The following POU2F1 variants were observed in gnomAD, a reference collection of about 807,000 sequenced individuals.
POU2F1 encodes POU class 2 homeobox 1, also known as POU domain, class 2, transcription factor 1.
In POU2F1, 16 loss-of-function variants were observed where a neutral mutation model predicts 84.9. That is an observed-to-expected ratio of 0.19 (90% CI 0.13 to 0.29). The LOEUF is 0.29. Among genes scored for constraint, POU2F1 ranks in the 10% least tolerant of loss-of-function variants. The pLI, the probability that POU2F1 is intolerant of heterozygous loss-of-function variation, is 1.00. For synonymous variants in POU2F1, 368 were observed against 368.3 expected (o/e 1.00, Z 0.01); for missense variants, 738 against 942.6 (o/e 0.78, Z 2.84).
intron 1 of POU2F1, among the ~76,000 whole-genome samples, chr1:167,283,335 A>G (rs187204654): frequency 2.6e-5 from 4 of 152,228 alleles, no homozygotes; most frequent in African/African-American, 9.6e-5. Context: ...AAGAGTATGG[A>G]CAGAGAACAT....
intron 1 of POU2F1, among the ~76,000 whole-genome samples, chr1:167,318,242 C>T (rs1445188593): frequency 6.6e-6 from 1 of 152,196 alleles, no homozygotes; most frequent in African/African-American, 2.4e-5. Flanking sequence ...TTAGCTCCTA[C>T]AGTGGGCCAT....
At chr1:167,314,633 G>T (rs1179248542) in intron 1 of POU2F1, among the ~76,000 whole-genome samples, 1 of 152,068 alleles carries the variant, frequency 6.6e-6, no homozygotes, top group Non-Finnish European at 1.5e-5. Context: ...AATAAGCCGG[G>T]CATTGTGGTG....
intron 1 of POU2F1, among the ~76,000 whole-genome samples, chr1:167,241,167 T>C (rs772956083): frequency 6.6e-6 from 1 of 151,954 alleles, no homozygotes; most frequent in African/African-American, 2.4e-5. Context: ...AATAAATAAA[T>C]AGTCTGAAAA....
At chr1:167,348,316 A>T (rs113570559) in intron 2 of POU2F1, among the ~76,000 whole-genome samples, 5 of 152,310 alleles carry the variant, frequency 3.3e-5, no homozygotes, top group African/African-American at 1.2e-4. Context: ...GCTGATGGAA[A>T]TGTCTTTATA....
At chr1:167,391,593 A>G (rs1239141472) in intron 9 of POU2F1, among the ~76,000 whole-genome samples, 1 of 104,824 alleles carries the variant, frequency 9.5e-6, no homozygotes, top group Non-Finnish European at 1.8e-5. Context: ...TTTTTGAGAC[A>G]GGGCCTTGGT....
rs570151919 is a variant in POU2F1 at position 167,254,287 on chromosome 1, G to GT, written c.61+33331dup. Among the ~76,000 whole-genome samples, 914 of 152,222 alleles carry GT rather than the reference G, an allele frequency of 6.0e-3. 4 individuals carry two copies. Among genetic ancestry groups the GT allele is most frequent in the Non-Finnish European group, 0.01 (704 of 68,022 alleles). ...GGAGTCTCAATTCTATTTAATGTAG[G>GT]TTCGATCAATGTTACTAATGTGCTT... On this transcript the variant is annotated intron_variant, in intron 1 of 15. Coordinates refer to ENST00000367866, the MANE Select transcript of POU2F1 (RefSeq NM_002697.4).
At chr1:167,277,762 A>G (rs1417343566) in intron 1 of POU2F1, among the ~76,000 whole-genome samples, 1 of 152,182 alleles carries the variant, frequency 6.6e-6, no homozygotes, top group East Asian at 1.9e-4. Flanking sequence ...CCCACATGTC[A>G]GTGAATAGCA....
chr1:167,253,402 G>C (rs1650887429), intron 1 of POU2F1, among the ~76,000 whole-genome samples: 1 of 137,096 alleles, frequency 7.3e-6, no homozygotes, highest in African/African-American at 3.0e-5. Context: ...ACACACAGGA[G>C]AGTGGAACTT....
At chr1:167,257,096 G>A (rs1352931946) in intron 1 of POU2F1, among the ~76,000 whole-genome samples, 4 of 152,132 alleles carry the variant, frequency 2.6e-5, no homozygotes, top group African/African-American at 7.2e-5. Context: ...AGTTGGGTAG[G>A]TGAGCTGTAG....
intron 5 of POU2F1, among the ~76,000 whole-genome samples, chr1:167,373,493 T>TGA (rs1660137402): frequency 6.6e-6 from 1 of 152,188 alleles, no homozygotes; most frequent in African/African-American, 2.4e-5. Context: ...AGAACGGCTA[T>TGA]CACCACCTGT....
intron 1 of POU2F1, among the ~76,000 whole-genome samples, chr1:167,266,543 T>G (rs531444749): frequency 1.3e-5 from 2 of 152,232 alleles, no homozygotes; most frequent in African/African-American, 4.8e-5. Flanking sequence ...TTTAAAAGAT[T>G]GTTGTCTGGG....
chr1:167,345,272 A>G (rs963994239), intron 2 of POU2F1, among the ~76,000 whole-genome samples: 2 of 152,184 alleles, frequency 1.3e-5, no homozygotes, highest in African/African-American at 4.8e-5. Flanking sequence ...AGCCTAAAGT[A>G]GAAGATTCCT....
At chr1:167,269,354 G>A (rs1215210422) in intron 1 of POU2F1, among the ~76,000 whole-genome samples, 2 of 152,184 alleles carry the variant, frequency 1.3e-5, no homozygotes, top group Non-Finnish European at 2.9e-5. Flanking sequence ...TAACCGTTGA[G>A]AAAAACATTG....
At chr1:167,329,272 C>A (rs1656918455) in intron 1 of POU2F1, 1 of 1,548,440 alleles carries the variant, frequency 6.5e-7, no homozygotes, top group South Asian at 1.2e-5. Context: ...TAGAAGATTT[C>A]ACAGCAATGC....
chr1:167,260,854 T>G (rs1196775882), intron 1 of POU2F1, among the ~76,000 whole-genome samples: 1 of 152,142 alleles, frequency 6.6e-6, no homozygotes, highest in African/African-American at 2.4e-5. Context: ...TATGCTAGAT[T>G]AGTATACTTA....
At chr1:167,326,650 G>A (rs1005862125) in intron 1 of POU2F1, among the ~76,000 whole-genome samples, 1 of 152,068 alleles carries the variant, frequency 6.6e-6, no homozygotes. Flanking sequence ...GAAGCGGGGG[G>A]TCCCACTCTA....
intron 1 of POU2F1, among the ~76,000 whole-genome samples, chr1:167,294,341 T>G (rs113220825): frequency 0.025 from 3,751 of 151,708 alleles, 149 homozygotes; most frequent in African/African-American, 0.084. Context: ...AGAGTGAGAC[T>G]CCATCTAAAA....
Position 167,415,759 on chromosome 1 carries a change from C to T in POU2F1, c.2250C>T (p.Ala750=). 6.2e-7 allele frequency: 1 copy of T among 1,614,152 alleles called. No homozygotes were observed. Among genetic ancestry groups the T allele is most frequent in the Non-Finnish European group, 8.5e-7 (1 of 1,180,022 alleles). Residue 750 remains alanine, a synonymous_variant, in exon 16 of 16, where the codon GCC becomes GCT. Transcript: ENST00000367866. ...TCCAGAACTCTCTCTTCACAGTGGC[C>T]TCTGCCAGCGGGGCTGCGTCCACCA... is the stretch of plus-strand genomic sequence containing the variant. The part of the protein sequence containing the change: ...ESIQNSLFTV[A]SASGAASTTT...
intron 9 of POU2F1, 122 bp downstream of exon 9, chr1:167,389,883 AC>A: frequency 9.1e-7 from 1 of 1,103,914 alleles, no homozygotes; most frequent in South Asian, 1.5e-5. Context: ...GGGACGGGGG[AC>A]GAAAAAGGAT....
Sources: allele counts gnomAD v4.1 joint callset (sites outside exome capture counted in the v4.1 genomes callset), GRCh38; gene constraint gnomAD v4.1.1; transcripts MANE v1.5; gene names NCBI Gene and HGNC (gene_info 2026-07-23, HGNC 2026-07-21).